The following DAAM2 variants were observed in gnomAD, a reference collection of about 807,000 sequenced individuals.
DAAM2 encodes the protein disheveled-associated activator of morphogenesis 2.
A neutral mutation model predicts 120.7 loss-of-function variants in DAAM2; 39 were observed. That is an observed-to-expected ratio of 0.32 (90% CI 0.25 to 0.42). The LOEUF is 0.42. DAAM2 is among the 10% of genes least tolerant of loss of function. DAAM2 has a pLI of 1.00. For missense variants in DAAM2, 1,283 were observed against 1,401.7 expected (o/e 0.92, Z 1.35); for synonymous variants, 488 against 524.9 (o/e 0.93, Z 0.96).
At chr6:39,896,003 TA>T (rs1369344549) in intron 19 of DAAM2, among the ~76,000 whole-genome samples, 1 of 152,072 alleles carries the variant, frequency 6.6e-6, no homozygotes, top group African/African-American at 2.4e-5. Flanking sequence ...ACAAAAATAA[TA>T]GAATATTATA....
chr6:39,853,660 G>T (rs908471479), intron 1 of DAAM2, among the ~76,000 whole-genome samples: 1 of 152,186 alleles, frequency 6.6e-6, no homozygotes, highest in Non-Finnish European at 1.5e-5. Context: ...GCCAAGAAAG[G>T]TAAGAGGGAG....
intron 22 of DAAM2, 141 bp from the exon 23 acceptor site, chr6:39,899,936 T>C: frequency 1.1e-6 from 1 of 929,088 alleles, no homozygotes; most frequent in Non-Finnish European, 1.6e-6. Flanking sequence ...GTCTTTGCCA[T>C]CCTTAGAACT....
chr6:39,879,940 A>G (rs1765047738), intron 14 of DAAM2: 1 of 252,834 alleles, frequency 4.0e-6, no homozygotes, highest in South Asian at 4.2e-5. Flanking sequence ...AGCTGCACAC[A>G]CTGGCCTCAT....
chr6:39,825,631 C>T (rs990129364), intron 1 of DAAM2, among the ~76,000 whole-genome samples: 2 of 152,032 alleles, frequency 1.3e-5, no homozygotes, highest in African/African-American at 2.4e-5. Flanking sequence ...TATGTCCTTC[C>T]CCTGCTCCCA....
Position 39,807,046 on chromosome 6 carries a change from T to A in DAAM2, c.-57+14581T>A, listed in dbSNP as rs184462844. On this transcript the variant is annotated intron_variant, in intron 1 of 24. Coordinates refer to ENST00000274867, the MANE Select transcript of DAAM2 (RefSeq NM_001201427.2). ...AAGTCCAGACAAAGTCTAATACATATGGAAAGAAGATATGTTCAGGAATAT... is the reference window on the plus strand; with the variant it reads ...AAGTCCAGACAAAGTCTAATACATAAGGAAAGAAGATATGTTCAGGAATAT... Among the ~76,000 whole-genome samples the A allele has an allele frequency of 3.0e-3, 451 of 152,142 alleles. 3 individuals carry two copies. Among genetic ancestry groups the A allele is most frequent in the South Asian group, 0.025 (119 of 4,828 alleles).
At chr6:39,832,580 A>G (rs1762956141) in intron 1 of DAAM2, among the ~76,000 whole-genome samples, 1 of 149,186 alleles carries the variant, frequency 6.7e-6, no homozygotes, top group African/African-American at 2.5e-5. Context: ...GTGAAAAATA[A>G]AGGTACTTTA....
chr6:39,896,904 G>C lies in DAAM2; in HGVS notation c.2434G>C (p.Gly812Arg), dbSNP rs1229283547. The C allele has an allele frequency of 3.1e-6, 5 of 1,613,646 alleles. No individual in the cohort carries two copies. Among genetic ancestry groups the C allele is most frequent in the Non-Finnish European group, 4.2e-6 (5 of 1,179,802 alleles). Residue 812 changes from glycine (G) to arginine (R), a missense_variant, in exon 20 of 25, where the codon GGG (glycine) becomes CGG (arginine). Physicochemically the swap from Gly to Arg is moderately radical, Grantham distance 125. This residue lies in a region of DAAM2 where 748 missense variants were observed against 768.6 expected (regional missense o/e 0.97). Transcript: ENST00000274867. ...AGCCATAGGCAACTTCATGAACAAA[G>C]GGCAGCGTGGGGGCGCCTACGGGTT... ...ILAIGNFMNK[G>R]QRGGAYGFRV...
intron 1 of DAAM2, chr6:39,793,168 G>A (rs1475554427): frequency 6.6e-6 from 1 of 152,518 alleles, no homozygotes; most frequent in African/African-American, 2.4e-5. Context: ...AGGATGAGAA[G>A]GAAGAGGGGG....
Position 39,878,234 on chromosome 6 carries a change from C to A in DAAM2, c.1333C>A (p.Arg445=). Residue 445 remains arginine, a synonymous_variant, in exon 12 of 25, where the codon CGA becomes AGA. Coordinates refer to ENST00000274867, the MANE Select transcript of DAAM2 (RefSeq NM_001201427.2). This position sits in a 1 kb window ranked among gnomAD's most constrained non-coding sequence, Gnocchi z 5.0. ...LINENEVKQW[R]DQAEKFRKEH... Reference sequence around the variant, plus strand: ...CAACGAGAATGAAGTGAAACAGTGGCGAGACCAGGCAGAGAAGTTCCGGAA... The same window carrying A: ...CAACGAGAATGAAGTGAAACAGTGGAGAGACCAGGCAGAGAAGTTCCGGAA... The A allele has an allele frequency of 6.2e-7, 1 of 1,613,968 alleles. No homozygotes were observed. The highest frequency in any genetic ancestry group is 8.5e-7 in the Non-Finnish European group (1 of 1,179,886).
At chr6:39,825,452 G>C (rs377495272) in intron 1 of DAAM2, among the ~76,000 whole-genome samples, 2 of 116,630 alleles carry the variant, frequency 1.7e-5, no homozygotes, top group African/African-American at 6.2e-5. Context: ...GGTTGGTGGG[G>C]GGCCTTTGTT....
intron 1 of DAAM2, chr6:39,818,839 G>A (rs1392644534): frequency 6.6e-6 from 1 of 152,078 alleles, no homozygotes; most frequent in Non-Finnish European, 1.5e-5. Context: ...TGTGTTTTTT[G>A]CTACTGAGTC....
In DAAM2 at chr6:39,812,525, G is replaced by A. The variant is rs570444257; in HGVS notation, c.-57+20060G>A. ...TCACTTCATGATGAACTTGACAATC[G>A]ACTGTACCTGAATTCTGCTTTGTTA... is the stretch of plus-strand genomic sequence containing the variant. On this transcript the variant is annotated intron_variant, in intron 1 of 24. Transcript: ENST00000274867. Among the ~76,000 whole-genome samples the A allele has an allele frequency of 4.6e-5, 7 of 152,090 alleles. No individual in the cohort carries two copies. In the South Asian group the frequency reaches 1.0e-3, roughly 23 times the overall value.
chr6:39,823,372 T>G (rs1384630962), intron 1 of DAAM2: 1 of 152,274 alleles, frequency 6.6e-6, no homozygotes, highest in Non-Finnish European at 1.5e-5. Flanking sequence ...GTTCTGAATC[T>G]TCCAACCTGC....
chr6:39,805,721 A>AT (rs1488932074), intron 1 of DAAM2, among the ~76,000 whole-genome samples: 5 of 151,882 alleles, frequency 3.3e-5, no homozygotes, highest in Non-Finnish European at 5.9e-5. Context: ...CACCCGGCTA[A>AT]TTTTTTGTAT....
In DAAM2 at chr6:39,878,127, G is replaced by C. The variant is rs1764946505; in HGVS notation, c.1302-76G>C. The stretch of plus-strand genomic sequence containing the variant: ...GACCAGGGTCCCCACCTGGAGGGTA[G>C]AAAGATGATGTCTCCTGGGAAGCTG... On this transcript the variant is annotated intron_variant, in intron 11 of 24. Coordinates refer to ENST00000274867, the MANE Select transcript of DAAM2 (RefSeq NM_001201427.2). This position sits in a 1 kb window ranked among gnomAD's most constrained non-coding sequence, Gnocchi z 5.0. 1 of 1,530,438 alleles carries C rather than the reference G, an allele frequency of 6.5e-7. No homozygotes were observed. The highest frequency in any genetic ancestry group is 9.0e-7 in the Non-Finnish European group (1 of 1,114,494). 94.8% of individuals were successfully genotyped at this position (1,530,438 alleles called of 1,614,324 possible). A position where few individuals can be genotyped will look rare whatever the true frequency, so the allele number is the denominator to read the frequency against.
rs1305611916 is a variant in DAAM2, at chr6:39,873,363, C to A, written c.1162+8C>A. 2.3e-5 allele frequency: 37 copies of A among 1,582,140 alleles called. No individual in the cohort carries two copies. Among genetic ancestry groups the A allele is most frequent in the African/African-American group, 2.7e-5 (2 of 74,266 alleles). On this transcript the variant is annotated splice_region_variant and intron_variant, in intron 10 of 24. Coordinates refer to ENST00000274867, the MANE Select transcript of DAAM2 (RefSeq NM_001201427.2). The stretch of plus-strand genomic sequence containing the variant: ...ACTGCCTGCAGATGCCCTGTAAGTA[C>A]CCTGCACTTGCTGCTTCCCTCGACT...
chr6:39,830,156 C>A lies in DAAM2; in HGVS notation c.-56-26091C>A, dbSNP rs544924371. On this transcript the variant is annotated intron_variant, in intron 1 of 24. Transcript: ENST00000274867. The stretch of plus-strand genomic sequence containing the variant: ...CAGTGTCTGGCCCAGAGTGGGGGTT[C>A]ATAGATGGTTGTGGAGTGGATGCCC... 2.5e-3 allele frequency among the ~76,000 whole-genome samples: 379 copies of A among 152,278 alleles called. 1 individual carries two copies. The highest frequency in any genetic ancestry group is 4.8e-3 in the Non-Finnish European group (328 of 68,014).
intron 1 of DAAM2, among the ~76,000 whole-genome samples, chr6:39,827,879 C>T (rs1762733366): frequency 6.6e-6 from 1 of 152,158 alleles, no homozygotes; most frequent in African/African-American, 2.4e-5. Context: ...TGCCCTGCCG[C>T]TCACACTTCT....
At chr6:39,797,996 C>T (rs528648871) in intron 1 of DAAM2, among the ~76,000 whole-genome samples, 1 of 152,192 alleles carries the variant, frequency 6.6e-6, no homozygotes, top group Non-Finnish European at 1.5e-5. Context: ...TTGCCTATGG[C>T]TGCTTTCGTG....
Sources: allele counts gnomAD v4.1 joint callset (sites outside exome capture counted in the v4.1 genomes callset), GRCh38; gene constraint gnomAD v4.1.1; regional missense constraint gnomAD v4.1.1; non-coding constraint Gnocchi (gnomAD v3.1); transcripts MANE v1.5; gene names NCBI Gene and HGNC (gene_info 2026-07-23, HGNC 2026-07-21).